Variants in MDGA2 observed in about 807,000 individuals in gnomAD.
MDGA2 encodes the protein MAM domain-containing glycosylphosphatidylinositol anchor protein 2.
MDGA2 carries 40 observed loss-of-function variants against 117.8 expected under a neutral mutation model. The observed-to-expected ratio is 0.34, with a 90% confidence interval of 0.26 to 0.44. The LOEUF (loss-of-function observed/expected upper bound fraction) is 0.44. MDGA2 is among the 20% of genes least tolerant of loss of function. The pLI, the probability that MDGA2 is intolerant of heterozygous loss-of-function variation, is 1.00. For synonymous variants in MDGA2, 452 were observed against 439.0 expected (o/e 1.03, Z -0.37); for missense variants, 1,123 against 1,250.6 (o/e 0.90, Z 1.54).
At chr14:47,494,994 T>C (rs548825665) in intron 1 of MDGA2, among the ~76,000 whole-genome samples, 36 of 151,970 alleles carry the variant, frequency 2.4e-4, no homozygotes, top group African/African-American at 7.0e-4. Flanking sequence ...TAGTATTCTA[T>C]AGTGTATGTA....
intron 1 of MDGA2, among the ~76,000 whole-genome samples, chr14:47,662,287 ATAGT>A (rs757905584): frequency 1.3e-5 from 2 of 149,534 alleles, no homozygotes; most frequent in African/African-American, 2.4e-5. Flanking sequence ...TACTCTTAAC[ATAGT>A]TAATCGATTT....
chr14:47,588,042 T>C lies in MDGA2; in HGVS notation c.280+86475A>G, dbSNP rs552386160. 2.6e-3 allele frequency among the ~76,000 whole-genome samples: 390 copies of C among 151,876 alleles called. 2 individuals are homozygous for C. Among genetic ancestry groups the C allele is most frequent in the Non-Finnish European group, 4.0e-3 (271 of 67,850 alleles). On this transcript the variant is annotated intron_variant, in intron 1 of 16. Transcript: ENST00000399232. ...TTCAAGGTTCATCCATATTGTGGCA[T>C]ATATTATTACTGCATTTCTTTCTAT...
chr14:47,245,255 C>G (rs1566700138), intron 2 of MDGA2, among the ~76,000 whole-genome samples: 1 of 151,776 alleles, frequency 6.6e-6, no homozygotes, highest in Non-Finnish European at 1.5e-5. Context: ...TCTCGAACTC[C>G]TGAGGTCAAG....
chr14:47,337,712 G>C (rs534235970), intron 1 of MDGA2, among the ~76,000 whole-genome samples: 6 of 151,884 alleles, frequency 4.0e-5, no homozygotes, highest in Admixed American at 6.6e-5. Context: ...TTGTTCAAAT[G>C]ATGGCTATTA....
At chr14:46,977,396 T>A (rs1002171184) in intron 8 of MDGA2, among the ~76,000 whole-genome samples, 1 of 149,904 alleles carries the variant, frequency 6.7e-6, no homozygotes. Flanking sequence ...AGAAAAAAAA[T>A]AAAAGATGAA....
intron 1 of MDGA2, among the ~76,000 whole-genome samples, chr14:47,367,187 T>G (rs1891249403): frequency 6.6e-6 from 1 of 152,338 alleles, no homozygotes; most frequent in South Asian, 2.1e-4. Flanking sequence ...AGTAATCCAT[T>G]AACTCTTATG....
intron 1 of MDGA2, among the ~76,000 whole-genome samples, chr14:47,646,663 G>A (rs1053104888): frequency 5.3e-5 from 8 of 152,172 alleles, no homozygotes; most frequent in African/African-American, 1.9e-4. Flanking sequence ...GCCCAATCAT[G>A]AGCATAATTT....
chr14:46,955,494 C>A (rs989216682), intron 9 of MDGA2, among the ~76,000 whole-genome samples: 1 of 152,114 alleles, frequency 6.6e-6, no homozygotes, highest in African/African-American at 2.4e-5. Flanking sequence ...AAGCTAGGCT[C>A]ATCACAGTTT....
intron 6 of MDGA2, among the ~76,000 whole-genome samples, chr14:47,076,134 G>A (rs371746988): frequency 6.6e-6 from 1 of 152,024 alleles, no homozygotes; most frequent in Non-Finnish European, 1.5e-5. Flanking sequence ...TAGTGATGGT[G>A]CCTGATAAAT....
At chr14:47,596,883 G>C (rs1306127809) in intron 1 of MDGA2, among the ~76,000 whole-genome samples, 4 of 152,160 alleles carry the variant, frequency 2.6e-5, no homozygotes, top group South Asian at 4.2e-4. Flanking sequence ...ATGGAGTCTT[G>C]ATTCAAGTCC....
rs185746599 is a variant in MDGA2, at chr14:47,509,913, A to T, written c.280+164604T>A. On this transcript the variant is annotated intron_variant, in intron 1 of 16. Transcript: ENST00000399232. ...TCTGATCAAATGATGTTTAGATTAG[A>T]CTTTAGTGTTGATGCTGGGAAGAGT... 2.7e-3 allele frequency among the ~76,000 whole-genome samples: 410 copies of T among 152,252 alleles called. 2 individuals carry two copies. The highest frequency in any genetic ancestry group is 9.4e-3 in the African/African-American group (391 of 41,542).
intron 2 of MDGA2, among the ~76,000 whole-genome samples, chr14:47,239,195 G>A (rs531529823): frequency 1.3e-5 from 2 of 148,386 alleles, no homozygotes; most frequent in Admixed American, 1.4e-4. Context: ...CCTGACGACC[G>A]TAACCTTTAC....
intron 4 of MDGA2, among the ~76,000 whole-genome samples, 174 bp from the exon 5 acceptor site, chr14:47,132,020 T>C (rs1419192361): frequency 1.3e-5 from 2 of 151,962 alleles, no homozygotes; most frequent in Non-Finnish European, 2.9e-5. Flanking sequence ...TGAACTAACT[T>C]TAAAATAACA....
intron 9 of MDGA2, among the ~76,000 whole-genome samples, chr14:46,950,726 A>C (rs1218409045): frequency 6.6e-6 from 1 of 151,916 alleles, no homozygotes; most frequent in Non-Finnish European, 1.5e-5. Context: ...GATAGTTATT[A>C]ATGATTTTTA....
rs367981055 is a variant in MDGA2 at position 46,842,007 on chromosome 14, C to T, written c.3002G>A (p.Gly1001Asp). ...TATATGAACCAAAATCCCAACAGCA[C>T]CATCAACGGAATCTAAAGATAAGGA... ...QDLATKNSVDGAVGILVHIWL... is the reference protein window; with the variant it reads ...QDLATKNSVDDAVGILVHIWL... Residue 1001 changes from glycine to aspartate, a missense_variant, in exon 17 of 17, where the codon GGT becomes GAT. Around this residue, in one of 2 missense-constraint regions of MDGA2, gnomAD observed 890 missense variants for 1,050.3 expected, o/e 0.85. Coordinates refer to ENST00000399232, the MANE Select transcript of MDGA2 (RefSeq NM_001113498.3). 1 of 1,609,584 alleles carries T rather than the reference C, an allele frequency of 6.2e-7. No individual in the cohort carries two copies. Among genetic ancestry groups the T allele is most frequent in the East Asian group, 2.2e-5 (1 of 44,732 alleles).
At chr14:47,403,268 A>C (rs1288877334) in intron 1 of MDGA2, among the ~76,000 whole-genome samples, 1 of 152,138 alleles carries the variant, frequency 6.6e-6, no homozygotes, top group Non-Finnish European at 1.5e-5. Flanking sequence ...AACCAAATTA[A>C]CATCTTTGCT....
rs548132898 is a variant in MDGA2 at position 46,854,660 on chromosome 14, A to T, written c.2883+364T>A. ...TATAAAATTTAATCAAGAAAAATTCAAACAGATTGAGAATTGATTACCAAG... is the reference window on the plus strand; with the variant it reads ...TATAAAATTTAATCAAGAAAAATTCTAACAGATTGAGAATTGATTACCAAG... On this transcript the variant is annotated intron_variant, in intron 15 of 16. Coordinates refer to ENST00000399232, the MANE Select transcript of MDGA2 (RefSeq NM_001113498.3). 2.6e-5 allele frequency among the ~76,000 whole-genome samples: 4 copies of T among 152,006 alleles called. No individual in the cohort carries two copies. The South Asian group carries it at 8.3e-4, about 31-fold the overall frequency.
chr14:47,495,766 TAGA>T (rs1894269752), intron 1 of MDGA2, among the ~76,000 whole-genome samples: 1 of 152,184 alleles, frequency 6.6e-6, no homozygotes, highest in South Asian at 2.1e-4. Flanking sequence ...GATCATTTAA[TAGA>T]AGGAAAGAAA....
Position 47,096,818 on chromosome 14 carries a change from G to C in MDGA2, c.1195+36C>G, listed in dbSNP as rs143183517. 3.7e-6 allele frequency: 6 copies of C among 1,602,014 alleles called. No individual in the cohort carries two copies. The East Asian group carries it at 1.3e-4, about 36-fold the overall frequency. On this transcript the variant is annotated intron_variant, in intron 6 of 16. Coordinates refer to ENST00000399232, the MANE Select transcript of MDGA2 (RefSeq NM_001113498.3). ...ATTTGCTTTTTGAGAGCCTAACCTA[G>C]GAATCTACGTTGTAACATTCTTTCA...
Sources: allele counts gnomAD v4.1 joint callset (sites outside exome capture counted in the v4.1 genomes callset), GRCh38; gene constraint gnomAD v4.1.1; regional missense constraint gnomAD v4.1.1; transcripts MANE v1.5; gene names NCBI Gene and HGNC (gene_info 2026-07-23, HGNC 2026-07-21).